HAUS5: variants seen among roughly 807,000 people sequenced by gnomAD.
HAUS5 encodes HAUS augmin-like complex subunit 5.
Under a neutral mutation model 94.1 loss-of-function variants are expected in HAUS5, and 67 were observed. The ratio of observed to expected loss-of-function variants is 0.71; its 90% CI spans 0.58 to 0.87. The LOEUF (loss-of-function observed/expected upper bound fraction) is 0.87, where lower values mean the gene tolerates loss of function less well. Among genes scored for constraint, HAUS5 ranks in the 40% least tolerant of loss-of-function variants. HAUS5 has a pLI of 0.00. For missense variants in HAUS5, 739 were observed against 825.6 expected, an observed-to-expected ratio of 0.90 and a Z score of 1.29; for synonymous variants, 339 against 355.4, an observed-to-expected ratio of 0.95 and a Z score of 0.52.
rs778355788 is a variant in HAUS5 at position 35,617,381 on chromosome 19, T to C, written c.638+12T>C. 1.1e-5 allele frequency: 18 copies of C among 1,595,580 alleles called. No homozygotes were observed. The highest frequency in any genetic ancestry group is 2.2e-5 in the East Asian group (1 of 44,780). On this transcript the variant is annotated intron_variant, in intron 8 of 18. Coordinates refer to ENST00000203166, the MANE Select transcript of HAUS5 (RefSeq NM_015302.2). ...AGGGGCAGCCTCCCGTGAGTGTCCC[T>C]AGCCCCCAGAGACCCTGTAAAGACC...
chr19:35,613,579 A>G (rs566679499), intron 1 of HAUS5, 151 bp from the exon 2 acceptor site: 126 of 617,348 alleles, frequency 2.0e-4, no homozygotes, highest in Non-Finnish European at 3.2e-4. Flanking sequence ...TTAAAAAAAA[A>G]AAAAAAAAAA....
In HAUS5 at chr19:35,624,647, C is replaced by G. The variant is rs1967277182; in HGVS notation, c.*1654C>G. 1 of 151,952 alleles carries G rather than the reference C, an allele frequency of 6.6e-6. No homozygotes were observed. Among genetic ancestry groups the G allele is most frequent in the African/African-American group, 2.4e-5 (1 of 41,344 alleles). The allele number at this position is 151,952 out of a possible 1,614,324, so 9.4% of individuals were successfully genotyped here. A position where few individuals can be genotyped will look rare whatever the true frequency, so the allele number is the denominator to read the frequency against. On this transcript the variant is annotated 3_prime_UTR_variant, in exon 19 of 19. Transcript: ENST00000203166. ...ATTTGTATTTTTTGTAGAGTCGGAG[C>G]TTTACCATGTTGGTCAGGCTGCTCT...
At position 35,618,401 on chromosome 19, in the gene HAUS5, G is replaced by GA; in HGVS notation, c.822dup (p.Pro275ThrfsTer64). ...CCTCAGCAGCTCTTCCCCCACCCCA[G>GA]ACCCCAGGCCCCGGACCAGTCAGAC... On this transcript the variant is annotated frameshift_variant and splice_region_variant. Coordinates refer to ENST00000203166, the MANE Select transcript of HAUS5 (RefSeq NM_015302.2). LOFTEE classifies it high-confidence loss of function. 1 of 991,200 alleles carries GA rather than the reference G, an allele frequency of 1.0e-6. No individual in the cohort carries two copies. The highest frequency in any genetic ancestry group is 1.5e-6 in the Non-Finnish European group (1 of 662,410). 61.4% of individuals were successfully genotyped at this position (991,200 alleles called of 1,614,324 possible).
Position 35,620,105 on chromosome 19 carries a change from G to A in HAUS5, c.1500G>A (p.Leu500=). The part of the protein sequence containing the change: ...GSSFIALSHK[L]GLPPGKASEL... Reference sequence around the variant, plus strand: ...GCTTCATAGCGCTGAGCCACAAGCTGGGGCTGCCTCCAGGGAAGGTGAGTG... The same window carrying A: ...GCTTCATAGCGCTGAGCCACAAGCTAGGGCTGCCTCCAGGGAAGGTGAGTG... Residue 500 remains leucine (L), a synonymous_variant, in exon 16 of 19, where the codon CTG becomes CTA. Coordinates refer to ENST00000203166, the MANE Select transcript of HAUS5 (RefSeq NM_015302.2). 1 of 1,613,872 alleles carries A rather than the reference G, an allele frequency of 6.2e-7. No homozygotes were observed. Among genetic ancestry groups the A allele is most frequent in the South Asian group, 1.1e-5 (1 of 91,074 alleles).
rs1403477459 is a variant in HAUS5, at chr19:35,615,049, G to A, written c.227G>A (p.Arg76Gln). ...YGHQDSPQVR[R>Q]KLELEAAVTR... ...TGAATCTGATCCTCCCAGGTCCGTC[G>A]GAAGTTAGAGCTGGAAGCTGCTGTG... The change falls in exon 5 of 19, where the codon CGG (arginine) becomes CAG (glutamine). Residue 76 changes from arginine (R) to glutamine (Q), a missense_variant. Physicochemically the swap from Arg to Gln is conservative, Grantham distance 43. Transcript: ENST00000203166. 6.9e-6 allele frequency: 11 copies of A among 1,592,044 alleles called. No individual in the cohort carries two copies. Among genetic ancestry groups the A allele is most frequent in the African/African-American group, 2.7e-5 (2 of 74,438 alleles).
chr19:35,618,532 G>A (rs1481466989), intron 11 of HAUS5, 37 bp from the exon 12 acceptor site: 1 of 1,612,836 alleles, frequency 6.2e-7, no homozygotes, highest in Non-Finnish European at 8.5e-7. Context: ...CATGGATCAT[G>A]CCCTGGGTGT....
chr19:35,622,437 C>T (rs1967224095), intron 17 of HAUS5, among the ~76,000 whole-genome samples, 164 bp from the exon 18 acceptor site: 1 of 151,176 alleles, frequency 6.6e-6, no homozygotes, highest in South Asian at 2.1e-4. Context: ...GGCAGTCCCT[C>T]AGAAGGGGAC....
chr19:35,622,917 G>A lies in HAUS5; in HGVS notation c.1826G>A (p.Cys609Tyr), dbSNP rs755132084. 1.2e-6 allele frequency: 2 copies of A among 1,613,908 alleles called. No homozygotes were observed. The highest frequency in any genetic ancestry group is 2.7e-5 in the African/African-American group (2 of 74,924). Residue 609 changes from cysteine to tyrosine, a missense_variant, in exon 19 of 19, where the codon TGC becomes TAC. Coordinates refer to ENST00000203166, the MANE Select transcript of HAUS5 (RefSeq NM_015302.2). ...PGQAALSEEL[C>Y]QGLSLPQWRL... The stretch of plus-strand genomic sequence containing the variant: ...CAGGCCGCCCTCTCTGAGGAGCTCT[G>A]CCAGGGCCTGTCCCTGCCCCAGTGG...
chr19:35,612,772 G>T lies in HAUS5; in HGVS notation c.-23G>T, dbSNP rs896742803. 14 of 1,531,176 alleles carry T rather than the reference G, an allele frequency of 9.1e-6. No individual in the cohort carries two copies. The highest frequency in any genetic ancestry group is 1.2e-5 in the South Asian group (1 of 83,280). 94.8% of individuals were successfully genotyped at this position (1,531,176 alleles called of 1,614,324 possible). On this transcript the variant is annotated 5_prime_UTR_variant, in exon 1 of 19. Coordinates refer to ENST00000203166, the MANE Select transcript of HAUS5 (RefSeq NM_015302.2). ...CACACTTGAAGAGGCTGAGGGAGGC[G>T]GTGTCGCCGCCGCGGCGCTGTCATG...
At position 35,623,471 on chromosome 19, in the gene HAUS5, G is replaced by A. The variant is rs766723910; in HGVS notation, c.*478G>A. ...TCAAGGGGTGAGCAGGAGCAACAGGGGTGGCTGAGTAAGGGCTTGCAGCTG... is the reference window on the plus strand; with the variant it reads ...TCAAGGGGTGAGCAGGAGCAACAGGAGTGGCTGAGTAAGGGCTTGCAGCTG... On this transcript the variant is annotated 3_prime_UTR_variant, in exon 19 of 19. Coordinates refer to ENST00000203166, the MANE Select transcript of HAUS5 (RefSeq NM_015302.2). The A allele has an allele frequency of 1.3e-4, 21 of 160,906 alleles. No individual in the cohort carries two copies. The highest frequency in any genetic ancestry group is 3.2e-4 in the South Asian group (2 of 6,182). 10.0% of individuals were successfully genotyped at this position (160,906 alleles called of 1,614,324 possible). A position where few individuals can be genotyped will look rare whatever the true frequency, so the allele number is the denominator to read the frequency against.
intron 9 of HAUS5, 42 bp from the exon 10 acceptor site, chr19:35,618,029 C>T (rs755033442): frequency 4.0e-5 from 64 of 1,589,196 alleles, no homozygotes; most frequent in Non-Finnish European, 5.5e-5. Flanking sequence ...AGCTCACAGC[C>T]CTGCCCCGAT....
At chr19:35,613,694 C>G in intron 1 of HAUS5, 36 bp from the exon 2 acceptor site, 2 of 1,591,888 alleles carry the variant, frequency 1.3e-6, no homozygotes, top group Non-Finnish European at 1.7e-6. Context: ...ACCCTGTGTG[C>G]TGCCCCAGGC....
rs751818958 is a variant in HAUS5, at chr19:35,615,080, C to T, written c.258C>T (p.Arg86=). ...RKLELEAAVT[R]LRAEIQELDQ... ...TAGAGCTGGAAGCTGCTGTGACCCGCCTGCGGGCAGAAATCCAGGAACTCG... is the reference window on the plus strand; with the variant it reads ...TAGAGCTGGAAGCTGCTGTGACCCGTCTGCGGGCAGAAATCCAGGAACTCG... Residue 86 remains arginine (R), a synonymous_variant, in exon 5 of 19, where the codon CGC becomes CGT. Coordinates refer to ENST00000203166, the MANE Select transcript of HAUS5 (RefSeq NM_015302.2). The T allele has an allele frequency of 8.1e-6, 13 of 1,605,388 alleles. No individual in the cohort carries two copies. The highest frequency in any genetic ancestry group is 3.3e-4 in the Middle Eastern group (2 of 6,054).
At chr19:35,613,648 TCCCTA>T (rs776632037) in intron 1 of HAUS5, 77 bp from the exon 2 acceptor site, 2 of 1,190,302 alleles carry the variant, frequency 1.7e-6, no homozygotes, top group South Asian at 2.5e-5. Context: ...TAGTAAAAAC[TCCCTA>T]CCACCATCAC....
chr19:35,613,480 G>C (rs2071912776), intron 1 of HAUS5, among the ~76,000 whole-genome samples: 1 of 151,860 alleles, frequency 6.6e-6, no homozygotes, highest in Non-Finnish European at 1.5e-5. Context: ...AGCTACTCTG[G>C]AGGCTGAGGT....
At chr19:35,617,066 G>C in intron 6 of HAUS5, 58 bp from the exon 7 acceptor site, 1 of 1,418,948 alleles carries the variant, frequency 7.0e-7, no homozygotes, top group Non-Finnish European at 9.9e-7. Flanking sequence ...GAGAGGAGAT[G>C]GGGCACAGAC....
chr19:35,616,245 GA>G (rs1599594857), intron 6 of HAUS5, among the ~76,000 whole-genome samples: 1 of 151,758 alleles, frequency 6.6e-6, no homozygotes, highest in East Asian at 2.0e-4. Context: ...TTGAACCCAG[GA>G]AAAGGAGGTT....
Position 35,618,657 on chromosome 19 carries a change from T to TGGTGGAGGA in HAUS5, c.982_990dup (p.Glu328_Glu330dup). On this transcript the variant is annotated inframe_insertion, in exon 12 of 19. Coordinates refer to ENST00000203166, the MANE Select transcript of HAUS5 (RefSeq NM_015302.2). ...GTCTTGACCCAGCGCCTCCAGGGCC[T>TGGTGGAGGA]GGTGGAGGAGGTGGAGAGACGCGTC... 1 of 1,606,262 alleles carries TGGTGGAGGA rather than the reference T, an allele frequency of 6.2e-7. No homozygotes were observed. The highest frequency in any genetic ancestry group is 8.5e-7 in the Non-Finnish European group (1 of 1,174,032).
At position 35,624,167 on chromosome 19, in the gene HAUS5, T is replaced by A. The variant is rs1213888118; in HGVS notation, c.*1174T>A. ...TTGCCCAAGTTGGAGTGCAGTGGCA[T>A]GATCTCAGCTCACTGCAACCTCCGC... On this transcript the variant is annotated 3_prime_UTR_variant, in exon 19 of 19. Coordinates refer to ENST00000203166, the MANE Select transcript of HAUS5 (RefSeq NM_015302.2). 2.2e-5 allele frequency: 3 copies of A among 137,900 alleles called. No homozygotes were observed. Among genetic ancestry groups the A allele is most frequent in the African/African-American group, 8.1e-5 (3 of 36,986 alleles). 8.5% of individuals were successfully genotyped at this position (137,900 alleles called of 1,614,324 possible).
Sources: allele counts gnomAD v4.1 joint callset (sites outside exome capture counted in the v4.1 genomes callset), GRCh38; gene constraint gnomAD v4.1.1; transcripts MANE v1.5; gene names NCBI Gene and HGNC (gene_info 2026-07-23, HGNC 2026-07-21).